HUWE1: variants seen among roughly 807,000 people sequenced by gnomAD.
HUWE1 encodes E3 ubiquitin-protein ligase HUWE1.
HUWE1 carries 18 observed loss-of-function variants against 299.4 expected under a neutral mutation model. The ratio of observed to expected loss-of-function variants is 0.06; its 90% CI spans 0.04 to 0.09. The LOEUF is 0.09. HUWE1 is among the 10% of genes least tolerant of loss of function. HUWE1 has a pLI of 1.00. For missense variants in HUWE1, 1,832 were observed against 3,462.3 expected (o/e 0.53, Z 11.82); for synonymous variants, 1,317 against 1,286.1 (o/e 1.02, Z -0.51).
At chrX:53,672,263 ACTTT>A (rs1557049671) in intron 3 of HUWE1, among the ~76,000 whole-genome samples, 1 of 104,158 alleles carries the variant, frequency 9.6e-6, no homozygotes, top group Non-Finnish European at 2.0e-5. Context: ...AGATGTCCTT[ACTTT>A]TTTTTTTTTT....
Position 53,583,695 on chromosome X carries a change from A to G in HUWE1, c.5383T>C (p.Phe1795Leu). The G allele has an allele frequency of 8.3e-7, 1 of 1,211,067 alleles. No individual in the cohort carries two copies. The highest frequency in any genetic ancestry group is 1.1e-6 in the Non-Finnish European group (1 of 895,080). ...ATGCGGGTACTCTTCAGTTCTGCAA[A>G]CATCATGGCATATTTGTGGTCCCGG... ...LTRDHKYAMM[F>L]AELKSTRMIL... Residue 1795 changes from phenylalanine to leucine, a missense_variant, in exon 42 of 84, where the codon TTT becomes CTT. By Grantham distance (22) the Phe-to-Leu change is conservative (BLOSUM62 0). Transcript: ENST00000262854.
intron 50 of HUWE1, 142 bp downstream of exon 50, chrX:53,564,925 G>A (rs1272940217): frequency 2.5e-6 from 2 of 801,871 alleles, no homozygotes; most frequent in African/African-American, 4.0e-5. Context: ...TTCTTTGTGG[G>A]GCAGATTCCC....
chrX:53,593,514 T>C lies in HUWE1; in HGVS notation c.3591A>G (p.Glu1197=), dbSNP rs782740620. The C allele has an allele frequency of 5.8e-5, 70 of 1,209,887 alleles. No homozygotes were observed. In the South Asian group the frequency reaches 1.1e-3, roughly 19 times the overall value. The change falls in exon 32 of 84, where the codon GAA becomes GAG. Residue 1197 remains glutamate (E), a synonymous_variant. Coordinates refer to ENST00000262854, the MANE Select transcript of HUWE1 (RefSeq NM_031407.7). ...EHSDLPDGTG[E]FLDAWLMLVE... is the part of the protein sequence containing the mutation. ...CCAGCATAAGCCAGGCATCTAGGAATTCTCCTGTGCCATCAGGCAAGTCTG... is the reference window on the plus strand; with the variant it reads ...CCAGCATAAGCCAGGCATCTAGGAACTCTCCTGTGCCATCAGGCAAGTCTG...
At chrX:53,562,994 T>G (rs1224215528) in intron 52 of HUWE1, 65 bp from the exon 53 acceptor site, 1 of 953,347 alleles carries the variant, frequency 1.0e-6, no homozygotes, top group Non-Finnish European at 1.5e-6. Context: ...ACTGGGTGCG[T>G]CTAAAGTAGC....
Position 53,600,243 on chromosome X carries a change from C to T in HUWE1, c.3038G>A (p.Gly1013Glu), listed in dbSNP as rs1556988971. The stretch of plus-strand genomic sequence containing the variant: ...GGGAGCCAATGTGTCACCATCTAGC[C>T]CAATGCCTTCTAATAAGCCCTGGGT... Reference protein sequence around the residue: ...ASTQGLLEGIGLDGDTLAPME... With the variant: ...ASTQGLLEGIELDGDTLAPME... Residue 1013 changes from glycine (G) to glutamate (E), a missense_variant, in exon 29 of 84, where the codon GGG (glycine) becomes GAG (glutamate). This residue lies in a region of HUWE1 where 658 missense variants were observed against 1,282.6 expected (regional missense o/e 0.51). Coordinates refer to ENST00000262854, the MANE Select transcript of HUWE1 (RefSeq NM_031407.7). 8.3e-7 allele frequency: 1 copy of T among 1,209,722 alleles called. No individual in the cohort carries two copies. The highest frequency in any genetic ancestry group is 2.2e-5 in the Admixed American group (1 of 46,045).
intron 83 of HUWE1, 59 bp from the exon 84 acceptor site, chrX:53,533,470 G>T: frequency 1.2e-6 from 1 of 820,596 alleles, no homozygotes; most frequent in Non-Finnish European, 1.8e-6. Flanking sequence ...AAATCTGTGT[G>T]TTCCCATGGT....
chrX:53,634,631 A>G (rs1419883540), intron 7 of HUWE1, among the ~76,000 whole-genome samples: 1 of 112,602 alleles, frequency 8.9e-6, no homozygotes, highest in African/African-American at 3.2e-5. Context: ...GCCAGCCATT[A>G]TATTCCATAC....
chrX:53,626,761 G>A (rs2066533241), intron 17 of HUWE1, among the ~76,000 whole-genome samples: 1 of 111,386 alleles, frequency 9.0e-6, no homozygotes, highest in Non-Finnish European at 1.9e-5. Context: ...CAAACTCCCA[G>A]GCTCAGATGA....
chrX:53,583,354 G>C (rs782436834), intron 42 of HUWE1, among the ~76,000 whole-genome samples: 2 of 109,618 alleles, frequency 1.8e-5, no homozygotes, highest in Non-Finnish European at 3.8e-5. Flanking sequence ...GATTGCTGGA[G>C]AGGACTTTCT....
intron 3 of HUWE1, among the ~76,000 whole-genome samples, chrX:53,655,084 G>A (rs2068682717): frequency 9.0e-6 from 1 of 110,973 alleles, no homozygotes; most frequent in Non-Finnish European, 1.9e-5. Flanking sequence ...TGGCAGACAA[G>A]TCCTCCAAAG....
At chrX:53,666,503 CT>C (rs1557047666) in intron 3 of HUWE1, among the ~76,000 whole-genome samples, 11 of 111,244 alleles carry the variant, frequency 9.9e-5, no homozygotes, top group Non-Finnish European at 2.1e-4. Context: ...TAAAGTGAGA[CT>C]TTTTCCTGCT....
chrX:53,629,008 G>C (rs782128686), intron 13 of HUWE1, 106 bp from the exon 14 acceptor site: 1 of 667,807 alleles, frequency 1.5e-6, no homozygotes, highest in African/African-American at 2.2e-5. Flanking sequence ...CATTCTACTG[G>C]TAACTGCTTG....
rs782815282 is a variant in HUWE1, at chrX:53,566,133, G to GTGTGTATATATATA, written c.6708-895_6708-894insTATATATATACACA. ...TATGTATGTATGTGTGTGTGTGTGT[G>GTGTGTATATATATA]TATATATATATATATATATATATAT... On this transcript the variant is annotated intron_variant, in intron 49 of 83. Transcript: ENST00000262854. Among the ~76,000 whole-genome samples the GTGTGTATATATATA allele has an allele frequency of 2.2e-3, 86 of 38,961 alleles. 4 individuals are homozygous for GTGTGTATATATATA. The highest frequency in any genetic ancestry group is 5.0e-3 in the African/African-American group (52 of 10,338). The allele number at this position is 38,961 out of a possible 115,157, so 33.8% of individuals were successfully genotyped here. A position where few individuals can be genotyped will look rare whatever the true frequency, so the allele number is the denominator to read the frequency against.
intron 47 of HUWE1, among the ~76,000 whole-genome samples, chrX:53,573,528 G>A (rs1274664370): frequency 7.1e-5 from 8 of 112,203 alleles, no homozygotes; most frequent in African/African-American, 2.3e-4. Context: ...GGCTGATCTC[G>A]AACTCCTAAC....
chrX:53,598,555 A>G (rs1401435881), intron 29 of HUWE1, among the ~76,000 whole-genome samples: 1 of 111,331 alleles, frequency 9.0e-6, no homozygotes, highest in Non-Finnish European at 1.9e-5. Context: ...AATGAATAGT[A>G]AATATATTTT....
intron 40 of HUWE1, 90 bp downstream of exon 40, chrX:53,584,922 T>TG: frequency 1.0e-6 from 1 of 969,575 alleles, no homozygotes; most frequent in South Asian, 1.9e-5. Flanking sequence ...AAAACCTCAA[T>TG]GTGTGGTGTT....
chrX:53,631,270 A>C lies in HUWE1; in HGVS notation c.762+144T>G. ...AACCTCATAAAAGACAAGGAAACTA[A>C]GGCTCAGAGAAGCTAACAATTTGCC... On this transcript the variant is annotated intron_variant, in intron 11 of 83. Coordinates refer to ENST00000262854, the MANE Select transcript of HUWE1 (RefSeq NM_031407.7). The C allele has an allele frequency of 5.8e-6, 3 of 519,247 alleles. No individual in the cohort carries two copies. The South Asian group carries it at 8.9e-5, about 15-fold the overall frequency. The allele number at this position is 519,247 out of a possible 1,213,427, so 42.8% of individuals were successfully genotyped here. A position where few individuals can be genotyped will look rare whatever the true frequency, so the allele number is the denominator to read the frequency against.
In HUWE1 at chrX:53,614,624, T is replaced by G; in HGVS notation, c.2171A>C (p.Glu724Ala). The change falls in exon 23 of 84, where the codon GAA becomes GCA. Residue 724 changes from glutamate to alanine, a missense_variant. By Grantham distance (107) the Glu-to-Ala change is moderately radical. Transcript: ENST00000262854. ...TTCCTCCTCATCCTCACTAGAGGCTTCTTCTGCGGCATGATTAGACCTTGG... is the reference window on the plus strand; with the variant it reads ...TTCCTCCTCATCCTCACTAGAGGCTGCTTCTGCGGCATGATTAGACCTTGG... ...PPPRSNHAAE[E>A]ASSEDEEEEE... The G allele has an allele frequency of 8.3e-7, 1 of 1,209,538 alleles. No individual in the cohort carries two copies. Among genetic ancestry groups the G allele is most frequent in the Non-Finnish European group, 1.1e-6 (1 of 893,499 alleles).
In HUWE1 at chrX:53,573,850, A is replaced by G. The variant is rs782303053; in HGVS notation, c.6212T>C (p.Ile2071Thr). Reference sequence around the variant, plus strand: ...CACCAACTCTGCCAGAAGACGAAGGATAGTGGAGGTAGGCATTAAAGGTTT... The same window carrying G: ...CACCAACTCTGCCAGAAGACGAAGGGTAGTGGAGGTAGGCATTAAAGGTTT... ...GSKPLMPTST[I>T]LRLLAELVRS... The change falls in exon 47 of 84, where the codon ATC (isoleucine) becomes ACC (threonine). Residue 2071 changes from isoleucine to threonine, a missense_variant. By Grantham distance (89) the Ile-to-Thr change is moderately conservative. Coordinates refer to ENST00000262854, the MANE Select transcript of HUWE1 (RefSeq NM_031407.7). The G allele has an allele frequency of 8.3e-7, 1 of 1,210,726 alleles. No homozygotes were observed.
Sources: allele counts gnomAD v4.1 joint callset (sites outside exome capture counted in the v4.1 genomes callset), GRCh38; gene constraint gnomAD v4.1.1; regional missense constraint gnomAD v4.1.1; transcripts MANE v1.5; gene names NCBI Gene and HGNC (gene_info 2026-07-23, HGNC 2026-07-21).